IL6ST: variants seen among roughly 807,000 people sequenced by gnomAD.
IL6ST encodes interleukin-6 receptor subunit beta.
IL6ST carries 24 observed loss-of-function variants against 91.3 expected under a neutral mutation model. That is an observed-to-expected ratio of 0.26 (90% CI 0.19 to 0.37). IL6ST has a LOEUF of 0.37. Among genes scored for constraint, IL6ST ranks in the 10% least tolerant of loss-of-function variants. The probability of loss-of-function intolerance (pLI) is 1.00; values close to 1 mark genes in which losing one functional copy is unlikely to be tolerated. For missense variants in IL6ST, 914 were observed against 1,078.5 expected (o/e 0.85, Z 2.14); for synonymous variants, 351 against 373.6 (o/e 0.94, Z 0.70).
intron 3 of IL6ST, among the ~76,000 whole-genome samples, chr5:55,972,160 TA>T (rs1302528772): frequency 6.6e-6 from 1 of 152,164 alleles, no homozygotes; most frequent in Non-Finnish European, 1.5e-5. Context: ...TCTAAAAAGA[TA>T]TAATTAGAGA....
rs1752247104 is a variant in IL6ST, at chr5:55,960,501, A to G, written c.874T>C (p.Phe292Leu). ...CGAATCCTAAACACATATTCTGTAA[A>G]AGGTTTAAGGTCTTGGACAGTGAAT... Reference protein sequence around the residue: ...SSFTVQDLKPFTEYVFRIRCM... With the variant: ...SSFTVQDLKPLTEYVFRIRCM... The change falls in exon 8 of 17, where the codon TTT (phenylalanine) becomes CTT (leucine). Residue 292 changes from phenylalanine to leucine, a missense_variant. By Grantham distance (22) the Phe-to-Leu change is conservative (BLOSUM62 0). Coordinates refer to ENST00000381298, the MANE Select transcript of IL6ST (RefSeq NM_002184.4). 2 of 1,614,026 alleles carry G rather than the reference A, an allele frequency of 1.2e-6. No homozygotes were observed. The highest frequency in any genetic ancestry group is 1.3e-5 in the African/African-American group (1 of 75,048).
chr5:55,977,795 C>A (rs1753396950), intron 2 of IL6ST, among the ~76,000 whole-genome samples: 1 of 151,996 alleles, frequency 6.6e-6, no homozygotes, highest in Non-Finnish European at 1.5e-5. Context: ...CACTGGACTC[C>A]AGCATGGGCA....
chr5:55,960,266 A>C (rs1752231645), intron 8 of IL6ST, 136 bp downstream of exon 8: 2 of 655,316 alleles, frequency 3.1e-6, no homozygotes, highest in Non-Finnish European at 5.1e-6. Flanking sequence ...GTCCTTAAAA[A>C]TTAAAACGTT....
intron 11 of IL6ST, among the ~76,000 whole-genome samples, chr5:55,953,600 G>A (rs1022130836): frequency 6.6e-6 from 1 of 152,134 alleles, no homozygotes; most frequent in African/African-American, 2.4e-5. Context: ...TGGTCAGGCT[G>A]GTCTCGAACT....
At chr5:55,969,266 T>C (rs1269821889) in intron 4 of IL6ST, among the ~76,000 whole-genome samples, 3 of 152,128 alleles carry the variant, frequency 2.0e-5, no homozygotes, top group African/African-American at 7.2e-5. Flanking sequence ...TTCTCAGCAA[T>C]TAAGGGATAC....
At chr5:55,950,560 A>AG (rs1751570467) in intron 14 of IL6ST, among the ~76,000 whole-genome samples, 4 of 143,166 alleles carry the variant, frequency 2.8e-5, no homozygotes, top group Non-Finnish European at 4.5e-5. Context: ...AAAAAAAAAA[A>AG]GCAAAAAAAG....
chr5:55,988,349 G>C (rs1038208912), intron 1 of IL6ST, among the ~76,000 whole-genome samples: 2 of 152,002 alleles, frequency 1.3e-5, no homozygotes, highest in African/African-American at 4.8e-5. Flanking sequence ...TCAAGAAAGA[G>C]TGAGAATCAC....
intron 16 of IL6ST, 49 bp downstream of exon 16, chr5:55,942,621 T>TA: frequency 2.1e-6 from 2 of 939,364 alleles, no homozygotes; most frequent in Non-Finnish European, 1.7e-6. Context: ...TCAATATACC[T>TA]ACTAACATGT....
intron 3 of IL6ST, among the ~76,000 whole-genome samples, chr5:55,970,609 G>A (rs1371567116): frequency 6.6e-6 from 1 of 152,114 alleles, no homozygotes; most frequent in Non-Finnish European, 1.5e-5. Context: ...GATGGCTTGA[G>A]CCCAAGGGGT....
Position 55,944,745 on chromosome 5 carries a change from G to C in IL6ST, c.1938-1994C>G, listed in dbSNP as rs1332005552. On this transcript the variant is annotated intron_variant, in intron 15 of 16. Coordinates refer to ENST00000381298, the MANE Select transcript of IL6ST (RefSeq NM_002184.4). ...AGAGGTCCAAGTAAACCGCTAGCTTGTTGCACCGTGGAGGCCACAGGAGCA... is the reference window on the plus strand; with the variant it reads ...AGAGGTCCAAGTAAACCGCTAGCTTCTTGCACCGTGGAGGCCACAGGAGCA... 2.9e-6 allele frequency: 3 copies of C among 1,043,038 alleles called. No homozygotes were observed. The East Asian group carries it at 7.9e-5, about 27-fold the overall frequency. 64.6% of individuals were successfully genotyped at this position (1,043,038 alleles called of 1,614,324 possible). A position where few individuals can be genotyped will look rare whatever the true frequency, so the allele number is the denominator to read the frequency against.
In IL6ST at chr5:55,986,243, TCTC is replaced by T. The variant is rs201717887; in HGVS notation, c.-103-3435_-103-3433del. ...CCCTGAATATAACTGTGGATTTACT[TCTC>T]CTTGCAGTTTTTACCCTGTTGTGTT... is the stretch of plus-strand genomic sequence containing the variant. On this transcript the variant is annotated intron_variant, in intron 1 of 16. Transcript: ENST00000381298. 1.1e-4 allele frequency among the ~76,000 whole-genome samples: 16 copies of T among 152,364 alleles called. No individual in the cohort carries two copies. In the East Asian group the frequency reaches 2.3e-3, roughly 22 times the overall value.
At chr5:55,963,004 G>A (rs1752412607) in intron 7 of IL6ST, among the ~76,000 whole-genome samples, 1 of 151,778 alleles carries the variant, frequency 6.6e-6, no homozygotes, top group Admixed American at 6.6e-5. Flanking sequence ...CACCTGTAGT[G>A]AGACTAAGGC....
At chr5:55,956,941 T>A (rs1752014151) in intron 9 of IL6ST, among the ~76,000 whole-genome samples, 1 of 152,088 alleles carries the variant, frequency 6.6e-6, no homozygotes, top group South Asian at 2.1e-4. Flanking sequence ...AGGCAGAACA[T>A]GAGGTCAAGA....
intron 2 of IL6ST, among the ~76,000 whole-genome samples, chr5:55,981,435 G>A (rs1206940830): frequency 5.3e-5 from 8 of 152,140 alleles, no homozygotes; most frequent in African/African-American, 1.9e-4. Context: ...ACAAGGTCAG[G>A]AGTTCAAGAC....
chr5:55,941,556 G>T lies in IL6ST; in HGVS notation c.2283C>A (p.Thr761=). The change falls in exon 17 of 17, where the codon ACC becomes ACA. Residue 761 remains threonine (T), a synonymous_variant. Transcript: ENST00000381298. ...QNTSSTVQYS[T]VVHSGYRHQV... ...GGTGTCTGTAGCCACTGTGTACCAC[G>T]GTAGAATACTGGACAGTGCTCGAAG... 1.2e-6 allele frequency: 2 copies of T among 1,614,112 alleles called. No individual in the cohort carries two copies. Among genetic ancestry groups the T allele is most frequent in the Non-Finnish European group, 1.7e-6 (2 of 1,179,976 alleles).
chr5:55,955,051 AT>A, intron 10 of IL6ST, 59 bp from the exon 11 acceptor site: 1 of 1,195,876 alleles, frequency 8.4e-7, no homozygotes, highest in Non-Finnish European at 1.2e-6. Context: ...AAATTTCCAT[AT>A]TTTACAGTCA....
chr5:55,979,764 A>G (rs1489297158), intron 2 of IL6ST, among the ~76,000 whole-genome samples: 2 of 152,230 alleles, frequency 1.3e-5, no homozygotes, highest in Non-Finnish European at 2.9e-5. Context: ...AAACACACAC[A>G]TTTGATTCTA....
Position 55,940,185 on chromosome 5 carries a change from C to A in IL6ST, c.*897G>T, listed in dbSNP as rs1750807102. 2 of 206,252 alleles carry A rather than the reference C, an allele frequency of 9.7e-6. No homozygotes were observed. Among genetic ancestry groups the A allele is most frequent in the Non-Finnish European group, 9.9e-6 (1 of 101,374 alleles). The allele number at this position is 206,252 out of a possible 1,614,324, so 12.8% of individuals were successfully genotyped here. A position where few individuals can be genotyped will look rare whatever the true frequency, so the allele number is the denominator to read the frequency against. On this transcript the variant is annotated 3_prime_UTR_variant, in exon 17 of 17. Transcript: ENST00000381298. Reference sequence around the variant, plus strand: ...TTAGCAATTTAAGCCTTTTAACATGCCAATTTTTTAGATGCTTTATTGGTT... The same window carrying A: ...TTAGCAATTTAAGCCTTTTAACATGACAATTTTTTAGATGCTTTATTGGTT...
In IL6ST at chr5:55,938,304, G is replaced by C. The variant is rs1445172640; in HGVS notation, c.*2778C>G. 1.0e-5 allele frequency: 2 copies of C among 191,520 alleles called. No individual in the cohort carries two copies. The highest frequency in any genetic ancestry group is 1.9e-3 in the Middle Eastern group (1 of 534). 11.9% of individuals were successfully genotyped at this position (191,520 alleles called of 1,614,324 possible). ...TTTTTTTCCTTGCTGCTGTTCCCGAGTGCCGACTGATCCATAGTAAAAAAG... is the reference window on the plus strand; with the variant it reads ...TTTTTTTCCTTGCTGCTGTTCCCGACTGCCGACTGATCCATAGTAAAAAAG... On this transcript the variant is annotated 3_prime_UTR_variant, in exon 17 of 17. Transcript: ENST00000381298.
Sources: gnomAD v4.1 joint callset for allele counts (sites outside exome capture counted in the v4.1 genomes callset) on GRCh38, gnomAD v4.1.1 for gene constraint, MANE v1.5 for transcripts, NCBI Gene and HGNC (gene_info 2026-07-23, HGNC 2026-07-21) for gene names.